The following ZNF235 variants were observed in gnomAD, a reference collection of about 807,000 sequenced individuals.
ZNF235 encodes zinc finger protein 235.
ZNF235 carries 25 observed loss-of-function variants against 29.4 expected under a neutral mutation model. The ratio of observed to expected loss-of-function variants is 0.85; its 90% CI spans 0.62 to 1.19. The LOEUF (loss-of-function observed/expected upper bound fraction) is 1.19, where lower values mean the gene tolerates loss of function less well. Ranked by LOEUF, ZNF235 falls within the 50% of genes most tolerant of loss-of-function variation. The probability of loss-of-function intolerance (pLI) is 0.00; values close to 1 mark genes in which losing one functional copy is unlikely to be tolerated. For synonymous variants in ZNF235, 300 were observed against 295.3 expected (o/e 1.02, Z -0.16); for missense variants, 788 against 885.0 (o/e 0.89, Z 1.39).
intron 4 of ZNF235, among the ~76,000 whole-genome samples, chr19:44,295,628 T>C (rs889821086): frequency 1.3e-5 from 2 of 152,142 alleles, no homozygotes; most frequent in African/African-American, 4.8e-5. Context: ...AGAGCCTGAA[T>C]AGACAAAGCA....
chr19:44,287,607 G>A lies in ZNF235; in HGVS notation c.1828C>T (p.Gln610Ter). Residue 610 changes from glutamine to a stop codon, truncating the protein, a stop_gained, in exon 5 of 5, where the codon CAG (glutamine) becomes TAG (stop). Transcript: ENST00000291182. LOFTEE classifies it high-confidence loss of function. The stretch of plus-strand genomic sequence containing the variant: ...TGATGGGCTTGAAGGTGTGAGGCCT[G>A]ACTGAATCGCTTCTGACATGCATCA... ...KCDACQKRFS[Q>*]ASHLQAHQRV... 6.2e-7 allele frequency: 1 copy of A among 1,613,390 alleles called. No individual in the cohort carries two copies. The highest frequency in any genetic ancestry group is 8.5e-7 in the Non-Finnish European group (1 of 1,179,818).
chr19:44,295,063 G>C lies in ZNF235; in HGVS notation c.238+3745C>G, dbSNP rs117408032. 4.5e-3 allele frequency among the ~76,000 whole-genome samples: 691 copies of C among 152,038 alleles called. 4 individuals are homozygous for C. The highest frequency in any genetic ancestry group is 0.013 in the Admixed American group (194 of 15,250). ...CCCACTTTCACCACTCCTATTTCAC[G>C]TACCACTGGAAGTCCTAGCCAAAGT... On this transcript the variant is annotated intron_variant, in intron 4 of 4. Transcript: ENST00000291182.
chr19:44,291,997 C>A (rs1313878690), intron 4 of ZNF235, among the ~76,000 whole-genome samples: 1 of 151,998 alleles, frequency 6.6e-6, no homozygotes, highest in Non-Finnish European at 1.5e-5. Context: ...TTATAAAATT[C>A]TTAACAAAAT....
At chr19:44,290,443 G>C (rs1016456154) in intron 4 of ZNF235, 3 of 152,392 alleles carry the variant, frequency 2.0e-5, no homozygotes, top group Admixed American at 1.3e-4. Context: ...CCACAGTTTT[G>C]TTTTGTTTTG....
rs1259247715 is a variant in ZNF235, at chr19:44,287,578, T to C, written c.1857A>G (p.Arg619=). Residue 619 remains arginine (R), a synonymous_variant, in exon 5 of 5, where the codon AGA becomes AGG. Coordinates refer to ENST00000291182, the MANE Select transcript of ZNF235 (RefSeq NM_004234.4). The part of the protein sequence containing the change: ...SQASHLQAHQ[R]VHTGEKPYKC... ...TATATGGTTTCTCTCCGGTGTGGACTCTCTGATGGGCTTGAAGGTGTGAGG... is the reference window on the plus strand; with the variant it reads ...TATATGGTTTCTCTCCGGTGTGGACCCTCTGATGGGCTTGAAGGTGTGAGG... 1 of 1,614,154 alleles carries C rather than the reference T, an allele frequency of 6.2e-7. No homozygotes were observed. Among genetic ancestry groups the C allele is most frequent in the South Asian group, 1.1e-5 (1 of 91,084 alleles).
Position 44,303,762 on chromosome 19 carries a change from C to A in ZNF235, c.-48-310G>T, listed in dbSNP as rs1975790389. ...AATGTAACAGAGCCAAAATGCCTGG[C>A]TTCAAATTTTGGCATTTCTACCTAT... On this transcript the variant is annotated intron_variant, in intron 1 of 4. Transcript: ENST00000291182. Among the ~76,000 whole-genome samples the A allele has an allele frequency of 1.3e-5, 2 of 152,170 alleles. 1 individual carries two copies. The highest frequency in any genetic ancestry group is 4.1e-4 in the South Asian group (2 of 4,830).
At chr19:44,293,870 G>A (rs368072641) in intron 4 of ZNF235, among the ~76,000 whole-genome samples, 2 of 150,794 alleles carry the variant, frequency 1.3e-5, no homozygotes, top group African/African-American at 2.4e-5. Flanking sequence ...GAATGAAAAC[G>A]AAAATACAAT....
chr19:44,296,637 A>T (rs1273526373), intron 4 of ZNF235, among the ~76,000 whole-genome samples: 1 of 152,206 alleles, frequency 6.6e-6, no homozygotes, highest in East Asian at 1.9e-4. Flanking sequence ...TATGGACCTA[A>T]CAAATATATA....
Position 44,298,832 on chromosome 19 carries a change from G to C in ZNF235, c.214C>G (p.Gln72Glu), listed in dbSNP as rs868381318. The C allele has an allele frequency of 6.2e-7, 1 of 1,613,978 alleles. No homozygotes were observed. Among genetic ancestry groups the C allele is most frequent in the Non-Finnish European group, 8.5e-7 (1 of 1,179,848 alleles). ...CCTGAATGCTTACCTCTTTGGGTTT[G>C]AAGCTCCTTCATCCAAAGCTTTTCT... Reference protein sequence around the residue: ...REEKLWMKELQTQRGKHSGDR... With the variant: ...REEKLWMKELETQRGKHSGDR... Residue 72 changes from glutamine (Q) to glutamate (E), a missense_variant, in exon 4 of 5, where the codon CAA becomes GAA. Gln to Glu is a conservative substitution (Grantham distance 29, BLOSUM62 2). Coordinates refer to ENST00000291182, the MANE Select transcript of ZNF235 (RefSeq NM_004234.4).
intron 4 of ZNF235, among the ~76,000 whole-genome samples, chr19:44,294,958 T>C (rs1340883636): frequency 6.6e-6 from 1 of 152,104 alleles, no homozygotes; most frequent in Non-Finnish European, 1.5e-5. Context: ...AAAAGCCATA[T>C]ATGACAACCC....
chr19:44,287,103 C>T lies in ZNF235; in HGVS notation c.*115G>A. 1 of 1,111,392 alleles carries T rather than the reference C, an allele frequency of 9.0e-7. No individual in the cohort carries two copies. The highest frequency in any genetic ancestry group is 1.3e-6 in the Non-Finnish European group (1 of 796,418). 68.8% of individuals were successfully genotyped at this position (1,111,392 alleles called of 1,614,324 possible). ...AGCATTTGAGAGACTTCTTTCCTGTCAAGATTCTTTGAAGCTTCTAGTTTT... is the reference window on the plus strand; with the variant it reads ...AGCATTTGAGAGACTTCTTTCCTGTTAAGATTCTTTGAAGCTTCTAGTTTT... On this transcript the variant is annotated 3_prime_UTR_variant, in exon 5 of 5. Transcript: ENST00000291182.
intron 4 of ZNF235, among the ~76,000 whole-genome samples, chr19:44,291,777 A>G (rs370175112): frequency 5.3e-5 from 8 of 152,144 alleles, no homozygotes; most frequent in Non-Finnish European, 1.2e-4. Flanking sequence ...TCCACAAACA[A>G]AAGTTCAGGC....
intron 4 of ZNF235, among the ~76,000 whole-genome samples, chr19:44,298,029 G>A (rs1975678241): frequency 6.6e-6 from 1 of 152,052 alleles, no homozygotes; most frequent in South Asian, 2.1e-4. Context: ...TGAGGTGGGA[G>A]GATTGCTTGA....
intron 2 of ZNF235, among the ~76,000 whole-genome samples, chr19:44,303,077 ATAT>A (rs1180378617): frequency 8.0e-6 from 1 of 125,222 alleles, no homozygotes; most frequent in East Asian, 2.1e-4. Context: ...ATATTTGTAT[ATAT>A]AATACATATA....
At chr19:44,304,341 C>T (rs915685143) in intron 1 of ZNF235, among the ~76,000 whole-genome samples, 3 of 152,166 alleles carry the variant, frequency 2.0e-5, no homozygotes, top group African/African-American at 7.2e-5. Context: ...TAATGACGAT[C>T]GCTTATCTGA....
At chr19:44,303,095 A>AAT (rs1568647850) in intron 2 of ZNF235, among the ~76,000 whole-genome samples, 2 of 73,912 alleles carry the variant, frequency 2.7e-5, no homozygotes, top group Admixed American at 1.8e-4. Context: ...CATATATACA[A>AAT]ATATACGTAT....
At chr19:44,300,826 C>T (rs1218131862) in intron 2 of ZNF235, among the ~76,000 whole-genome samples, 2 of 125,276 alleles carry the variant, frequency 1.6e-5, no homozygotes, top group Non-Finnish European at 3.2e-5. Context: ...AATGACAGAG[C>T]GAGACTCCGT....
chr19:44,289,777 G>A (rs1257436313), intron 4 of ZNF235: 1 of 152,142 alleles, frequency 6.6e-6, no homozygotes, highest in Non-Finnish European at 1.5e-5. Flanking sequence ...CTCTTCTTTG[G>A]CTACAGCAAC....
At position 44,288,423 on chromosome 19, in the gene ZNF235, G is replaced by A. The variant is rs1180088512; in HGVS notation, c.1012C>T (p.Gln338Ter). The change falls in exon 5 of 5, where the codon CAG becomes TAG. Residue 338 changes from glutamine (Q) to a stop codon, truncating the protein, a stop_gained. Coordinates refer to ENST00000291182, the MANE Select transcript of ZNF235 (RefSeq NM_004234.4). LOFTEE classifies it low-confidence loss of function (END_TRUNC). ...FSQSSNLQTH[Q>*]RVHTGEKPYT... ...GGTTTCTCCCCTGTGTGGACTCTCT[G>A]ATGAGTTTGCAGATTTGAGCTCTGA... is the stretch of plus-strand genomic sequence containing the variant. 4 of 1,614,060 alleles carry A rather than the reference G, an allele frequency of 2.5e-6. No individual in the cohort carries two copies. Among genetic ancestry groups the A allele is most frequent in the African/African-American group, 1.3e-5 (1 of 74,920 alleles).
Sources: gnomAD v4.1 joint callset for allele counts (sites outside exome capture counted in the v4.1 genomes callset) on GRCh38, gnomAD v4.1.1 for gene constraint, MANE v1.5 for transcripts, NCBI Gene and HGNC (gene_info 2026-07-23, HGNC 2026-07-21) for gene names.